Variants in REEP3 observed in about 807,000 individuals in gnomAD.
The protein encoded by REEP3 is receptor expression-enhancing protein 3.
REEP3 carries 20 observed loss-of-function variants against 41.3 expected under a neutral mutation model. That is an observed-to-expected ratio of 0.48 (90% CI 0.34 to 0.70). REEP3 has a LOEUF of 0.70. Among genes scored for constraint, REEP3 ranks in the 30% least tolerant of loss-of-function variants. The probability of loss-of-function intolerance (pLI) is 0.01; values close to 1 mark genes in which losing one functional copy is unlikely to be tolerated. For missense variants in REEP3, 271 were observed against 308.8 expected (o/e 0.88, Z 0.92); for synonymous variants, 104 against 101.8 (o/e 1.02, Z -0.13).
At chr10:63,549,490 C>G (rs1955608239) in intron 1 of REEP3, among the ~76,000 whole-genome samples, 3 of 152,178 alleles carry the variant, frequency 2.0e-5, no homozygotes, top group Admixed American at 2.0e-4. Flanking sequence ...ATCCCTTGAG[C>G]CCAGATTTTG....
Position 63,535,085 on chromosome 10 carries a change from G to T in REEP3, c.32+13508G>T, listed in dbSNP as rs760867765. Among the ~76,000 whole-genome samples, 49 of 151,962 alleles carry T rather than the reference G, an allele frequency of 3.2e-4. 1 individual carries two copies. Among genetic ancestry groups the T allele is most frequent in the Non-Finnish European group, 1.2e-4 (8 of 67,992 alleles). On this transcript the variant is annotated intron_variant, in intron 1 of 7. Coordinates refer to ENST00000373758, the MANE Select transcript of REEP3 (RefSeq NM_001001330.3). ...TGGTATGGTCTCTGTCATGTGAAGA[G>T]AAATAATAATTTTTAAAGATTAGAA...
At chr10:63,604,487 A>G (rs35978279) in intron 5 of REEP3, among the ~76,000 whole-genome samples, 29,235 of 152,142 alleles carry the variant, frequency 0.19, 3,574 homozygotes, top group Non-Finnish European at 0.28. Context: ...TTTAGCAGAT[A>G]TAAGAAATCA....
rs1956132301 is a variant in REEP3, at chr10:63,598,004, C to T, written c.183-20C>T. Reference sequence around the variant, plus strand: ...TTTGTTTTTCACTGGCAGTTTATTTCCAAATGTTTTTCTTATTAGGTTTCC... The same window carrying T: ...TTTGTTTTTCACTGGCAGTTTATTTTCAAATGTTTTTCTTATTAGGTTTCC... On this transcript the variant is annotated intron_variant, in intron 3 of 7. Coordinates refer to ENST00000373758, the MANE Select transcript of REEP3 (RefSeq NM_001001330.3). 1.3e-6 allele frequency: 2 copies of T among 1,558,396 alleles called. No homozygotes were observed.
rs372856366 is a variant in REEP3, at chr10:63,565,886, CT to C, written c.33-436del. Among the ~76,000 whole-genome samples, 824 of 136,994 alleles carry C rather than the reference CT, an allele frequency of 6.0e-3. 1 individual carries two copies. The highest frequency in any genetic ancestry group is 0.012 in the African/African-American group (452 of 36,946). 89.9% of individuals were successfully genotyped at this position (136,994 alleles called of 152,430 possible). ...ACTGCTATCTAAATATTTAAATCAT[CT>C]TTTTTTTTTTTTTTTGAGACAGAGT... On this transcript the variant is annotated intron_variant, in intron 1 of 7. Coordinates refer to ENST00000373758, the MANE Select transcript of REEP3 (RefSeq NM_001001330.3).
At chr10:63,578,777 G>A (rs372837766) in intron 2 of REEP3, among the ~76,000 whole-genome samples, 13 of 152,120 alleles carry the variant, frequency 8.5e-5, no homozygotes, top group East Asian at 5.8e-4. Flanking sequence ...ACCCTGTCTC[G>A]AAACATAAAA....
chr10:63,623,131 G>C lies in REEP3; in HGVS notation c.*2262G>C, dbSNP rs1373889904. ...TCTAGACTCAAAATTCTTTATCAAA[G>C]ATAGTCTCAAAGAGGTAGTACAAGT... On this transcript the variant is annotated 3_prime_UTR_variant, in exon 8 of 8. Transcript: ENST00000373758. 1 of 152,158 alleles carries C rather than the reference G, an allele frequency of 6.6e-6. No homozygotes were observed. Among genetic ancestry groups the C allele is most frequent in the Non-Finnish European group, 1.5e-5 (1 of 68,036 alleles). The allele number at this position is 152,158 out of a possible 1,614,324, so 9.4% of individuals were successfully genotyped here.
At chr10:63,570,772 A>G (rs924212358) in intron 2 of REEP3, among the ~76,000 whole-genome samples, 3 of 152,304 alleles carry the variant, frequency 2.0e-5, no homozygotes, top group South Asian at 4.1e-4. Context: ...TGACAGGGAA[A>G]TGTGTCATCT....
chr10:63,569,093 A>G (rs1293963051), intron 2 of REEP3, among the ~76,000 whole-genome samples: 1 of 152,216 alleles, frequency 6.6e-6, no homozygotes, highest in African/African-American at 2.4e-5. Context: ...GCCTTGTACA[A>G]TTCCATAGAC....
At chr10:63,525,798 C>T (rs1056196742) in intron 1 of REEP3, among the ~76,000 whole-genome samples, 1 of 152,180 alleles carries the variant, frequency 6.6e-6, no homozygotes, top group African/African-American at 2.4e-5. Context: ...ACATGACTCT[C>T]ATAAGTTGAG....
At chr10:63,533,620 G>A (rs1955445688) in intron 1 of REEP3, among the ~76,000 whole-genome samples, 1 of 151,712 alleles carries the variant, frequency 6.6e-6, no homozygotes, top group Non-Finnish European at 1.5e-5. Flanking sequence ...AATGGTTTTA[G>A]GATGTTTAAT....
chr10:63,564,641 G>T (rs1313635064), intron 1 of REEP3, among the ~76,000 whole-genome samples: 1 of 151,174 alleles, frequency 6.6e-6, no homozygotes, highest in Non-Finnish European at 1.5e-5. Context: ...AAAGAAATGC[G>T]CATTAAAATA....
rs193126196 is a variant in REEP3 at position 63,594,228 on chromosome 10, C to A, written c.106-550C>A. Among the ~76,000 whole-genome samples, 525 of 72,580 alleles carry A rather than the reference C, an allele frequency of 7.2e-3. 2 individuals are homozygous for A. Among genetic ancestry groups the A allele is most frequent in the African/African-American group, 9.8e-3 (212 of 21,656 alleles). 47.6% of individuals were successfully genotyped at this position (72,580 alleles called of 152,430 possible). A position where few individuals can be genotyped will look rare whatever the true frequency, so the allele number is the denominator to read the frequency against. On this transcript the variant is annotated intron_variant, in intron 2 of 7. Transcript: ENST00000373758. ...CCTCATCTCTACAAAAAAAAAAAAACCAAAAAAAATTTAGCCAAGTGTGGT... is the reference window on the plus strand; with the variant it reads ...CCTCATCTCTACAAAAAAAAAAAAAACAAAAAAAATTTAGCCAAGTGTGGT...
At chr10:63,521,683 G>A (rs1471412068) in intron 1 of REEP3, 106 bp downstream of exon 1, 1 of 790,540 alleles carries the variant, frequency 1.3e-6, no homozygotes, top group East Asian at 3.6e-5. Flanking sequence ...GGCGGGGACG[G>A]GGTAGCCCGG....
rs1477024634 is a variant in REEP3 at position 63,624,140 on chromosome 10, A to G, written c.*3271A>G. 1 of 152,120 alleles carries G rather than the reference A, an allele frequency of 6.6e-6. No individual in the cohort carries two copies. The highest frequency in any genetic ancestry group is 1.9e-4 in the East Asian group (1 of 5,198). The allele number at this position is 152,120 out of a possible 1,614,324, so 9.4% of individuals were successfully genotyped here. ...CATTTGATTATCAGGAAAATTAAGGAGTTATATATTTAAAAGCAATTTTCT... is the reference window on the plus strand; with the variant it reads ...CATTTGATTATCAGGAAAATTAAGGGGTTATATATTTAAAAGCAATTTTCT... On this transcript the variant is annotated 3_prime_UTR_variant, in exon 8 of 8. Coordinates refer to ENST00000373758, the MANE Select transcript of REEP3 (RefSeq NM_001001330.3).
At chr10:63,526,265 A>C (rs555370079) in intron 1 of REEP3, among the ~76,000 whole-genome samples, 2 of 152,138 alleles carry the variant, frequency 1.3e-5, no homozygotes, top group African/African-American at 4.8e-5. Context: ...CTGTTTGATC[A>C]GGCCAGTATT....
intron 1 of REEP3, among the ~76,000 whole-genome samples, chr10:63,538,966 C>G (rs945385380): frequency 6.6e-6 from 1 of 152,004 alleles, no homozygotes; most frequent in Non-Finnish European, 1.5e-5. Flanking sequence ...CTCACTGCCC[C>G]TCAAGAACAT....
intron 2 of REEP3, among the ~76,000 whole-genome samples, chr10:63,579,461 A>G (rs2133387455): frequency 6.6e-6 from 1 of 152,346 alleles, no homozygotes; most frequent in East Asian, 1.9e-4. Context: ...TGCCTAACAG[A>G]GTTTCATCCA....
chr10:63,594,914 C>G, intron 3 of REEP3, 60 bp downstream of exon 3: 1 of 1,024,496 alleles, frequency 9.8e-7, no homozygotes, highest in African/African-American at 1.6e-5. Context: ...GTCCTAAGTT[C>G]TTATCCTGCT....
Position 63,620,989 on chromosome 10 carries a change from G to A in REEP3, c.*120G>A. 1.8e-6 allele frequency: 1 copy of A among 564,556 alleles called. No individual in the cohort carries two copies. 35.0% of individuals were successfully genotyped at this position (564,556 alleles called of 1,614,324 possible). On this transcript the variant is annotated 3_prime_UTR_variant, in exon 8 of 8. Coordinates refer to ENST00000373758, the MANE Select transcript of REEP3 (RefSeq NM_001001330.3). ...TTATTTAAATTGTGGCAGTGATGGG[G>A]TTTACTTTCATGAATTTAAATTGTT...
Sources: gnomAD v4.1 joint callset for allele counts (sites outside exome capture counted in the v4.1 genomes callset) on GRCh38, gnomAD v4.1.1 for gene constraint, MANE v1.5 for transcripts, NCBI Gene and HGNC (gene_info 2026-07-23, HGNC 2026-07-21) for gene names.